The following CTSS variants were observed in gnomAD, a reference collection of about 807,000 sequenced individuals.
CTSS encodes cathepsin S.
A neutral mutation model predicts 39.9 loss-of-function variants in CTSS; 15 were observed. The observed-to-expected ratio is 0.38, with a 90% CI of 0.25 to 0.58. The LOEUF (loss-of-function observed/expected upper bound fraction) is 0.58. Among genes scored for constraint, CTSS ranks in the 20% least tolerant of loss-of-function variants. The pLI is 0.70. For missense variants in CTSS, 250 were observed against 398.2 expected, an observed-to-expected ratio of 0.63 and a Z score of 3.17; for synonymous variants, 126 against 138.2, an observed-to-expected ratio of 0.91 and a Z score of 0.62.
chr1:150,739,662 T>TCAACAA (rs10556231), intron 7 of CTSS, among the ~76,000 whole-genome samples: 5 of 149,386 alleles, frequency 3.3e-5, no homozygotes, highest in South Asian at 2.2e-4. Flanking sequence ...GAGACCTGTC[T>TCAACAA]CAACAACAAC....
intron 3 of CTSS, among the ~76,000 whole-genome samples, chr1:150,757,584 T>C (rs1206245985): frequency 6.6e-6 from 1 of 152,110 alleles, no homozygotes; most frequent in African/African-American, 2.4e-5. Context: ...CTTTAGGTAA[T>C]ACTTTCTAGA....
intron 4 of CTSS, 75 bp from the exon 5 acceptor site, chr1:150,752,083 A>G: frequency 6.9e-7 from 1 of 1,449,454 alleles, no homozygotes; most frequent in Non-Finnish European, 9.6e-7. Context: ...CAAACTGGAC[A>G]ACGCTCAGCT....
At chr1:150,746,347 T>C (rs1419238095) in intron 7 of CTSS, among the ~76,000 whole-genome samples, 1 of 152,128 alleles carries the variant, frequency 6.6e-6, no homozygotes, top group Non-Finnish European at 1.5e-5. Flanking sequence ...CTCCATTTTT[T>C]CCCTCTAGAA....
rs768934133 is a variant in CTSS, at chr1:150,764,708, T to C, written c.56A>G (p.His19Arg). The C allele has an allele frequency of 2.5e-6, 4 of 1,614,078 alleles. No homozygotes were observed. The highest frequency in any genetic ancestry group is 1.6e-4 in the Middle Eastern group (1 of 6,084). The change falls in exon 2 of 8, where the codon CAT becomes CGT. Residue 19 changes from histidine (H) to arginine (R), a missense_variant. Physicochemically the swap from His to Arg is conservative, Grantham distance 29 (BLOSUM62 0). Coordinates refer to ENST00000368985, the MANE Select transcript of CTSS (RefSeq NM_004079.5). ...LVCSSAVAQL[H>R]KDPTLDHHWH... ...GTGGTGATCCAGGGTAGGATCTTTA[T>C]GCAACTGTGCCACTGCAGAGGAGCA...
intron 5 of CTSS, among the ~76,000 whole-genome samples, chr1:150,751,383 G>A (rs1159018695): frequency 1.3e-5 from 2 of 151,896 alleles, no homozygotes; most frequent in Non-Finnish European, 2.9e-5. Flanking sequence ...GAGTAGCTGG[G>A]ACCACAGGCA....
rs1170359610 is a variant in CTSS at position 150,730,774 on chromosome 1, T to G, written c.*2272A>C. 2 of 152,176 alleles carry G rather than the reference T, an allele frequency of 1.3e-5. No individual in the cohort carries two copies. The highest frequency in any genetic ancestry group is 4.8e-5 in the African/African-American group (2 of 41,440). 9.4% of individuals were successfully genotyped at this position (152,176 alleles called of 1,614,324 possible). ...TCATCAAAAGAAAAACCCAGATATTTTCATATCACATTAGTTTTTTGCATC... is the reference window on the plus strand; with the variant it reads ...TCATCAAAAGAAAAACCCAGATATTGTCATATCACATTAGTTTTTTGCATC... On this transcript the variant is annotated 3_prime_UTR_variant, in exon 8 of 8. Coordinates refer to ENST00000368985, the MANE Select transcript of CTSS (RefSeq NM_004079.5).
chr1:150,764,027 A>T (rs1653314414), intron 2 of CTSS, among the ~76,000 whole-genome samples: 1 of 151,814 alleles, frequency 6.6e-6, no homozygotes, highest in Non-Finnish European at 1.5e-5. Flanking sequence ...ACTTCTTACC[A>T]CCACCACCAC....
chr1:150,739,739 C>G (rs770521411), intron 7 of CTSS, among the ~76,000 whole-genome samples: 11 of 151,974 alleles, frequency 7.2e-5, no homozygotes, highest in African/African-American at 2.7e-4. Context: ...AGTGAAACAG[C>G]CTTATTGCTG....
chr1:150,736,128 C>A (rs1278691592), intron 7 of CTSS, among the ~76,000 whole-genome samples: 1 of 152,070 alleles, frequency 6.6e-6, no homozygotes, highest in Non-Finnish European at 1.5e-5. Context: ...TTTTAATATC[C>A]AGTTTGATAA....
chr1:150,749,592 G>T (rs767233306), intron 6 of CTSS, among the ~76,000 whole-genome samples: 1,076 of 9,886 alleles, frequency 0.11, 8 homozygotes, highest in Non-Finnish European at 0.14. Flanking sequence ...GCCCCGCCCC[G>T]CCCCACCTTG....
intron 3 of CTSS, among the ~76,000 whole-genome samples, chr1:150,755,549 G>A (rs908715548): frequency 1.4e-4 from 21 of 152,132 alleles, no homozygotes; most frequent in African/African-American, 5.1e-4. Flanking sequence ...AGACCAGCCT[G>A]GCCAACATGG....
Position 150,730,922 on chromosome 1 carries a change from G to A in CTSS, c.*2124C>T, listed in dbSNP as rs1324261396. ...CTTATCTTTTAACATTTTAATAACT[G>A]TATTTCGATATAATTAGATTCCTTT... On this transcript the variant is annotated 3_prime_UTR_variant, in exon 8 of 8. Transcript: ENST00000368985. The A allele has an allele frequency of 6.8e-6, 1 of 147,240 alleles. No homozygotes were observed. The highest frequency in any genetic ancestry group is 1.5e-5 in the Non-Finnish European group (1 of 67,976). The allele number at this position is 147,240 out of a possible 1,614,324, so 9.1% of individuals were successfully genotyped here.
At chr1:150,752,249 T>C (rs587718414) in intron 4 of CTSS, among the ~76,000 whole-genome samples, 1 of 152,302 alleles carries the variant, frequency 6.6e-6, no homozygotes, top group African/African-American at 2.4e-5. Flanking sequence ...CAGAACATAA[T>C]GGCCATATTC....
At chr1:150,752,835 T>G (rs1653033791) in intron 4 of CTSS, among the ~76,000 whole-genome samples, 1 of 152,100 alleles carries the variant, frequency 6.6e-6, no homozygotes, top group Non-Finnish European at 1.5e-5. Context: ...AATAAGAGAT[T>G]AGCAGTACCA....
chr1:150,748,317 T>C (rs1652934936), intron 6 of CTSS: 1 of 153,620 alleles, frequency 6.5e-6, no homozygotes, highest in South Asian at 2.0e-4. Flanking sequence ...CAAGGACATA[T>C]ACTGTCATGC....
chr1:150,754,993 A>G lies in CTSS; in HGVS notation c.399+8T>C, dbSNP rs1390096611. Reference sequence around the variant, plus strand: ...TAGGGTTCAGAGGCTTGGGATGGTAATACTCACTTGATATTTCACTTCAGT... The same window carrying G: ...TAGGGTTCAGAGGCTTGGGATGGTAGTACTCACTTGATATTTCACTTCAGT... On this transcript the variant is annotated splice_region_variant and intron_variant, in intron 4 of 7. Coordinates refer to ENST00000368985, the MANE Select transcript of CTSS (RefSeq NM_004079.5). 1 of 1,612,710 alleles carries G rather than the reference A, an allele frequency of 6.2e-7. No homozygotes were observed.
Position 150,750,190 on chromosome 1 carries a change from A to C in CTSS, c.628-19T>G. 1 of 1,590,708 alleles carries C rather than the reference A, an allele frequency of 6.3e-7. No homozygotes were observed. On this transcript the variant is annotated intron_variant, in intron 5 of 7. Coordinates refer to ENST00000368985, the MANE Select transcript of CTSS (RefSeq NM_004079.5). ...TCTGATCCTGCAAAAAGAAGTATAA[A>C]TATGATGAAGTATACTTCAACTCCT...
intron 6 of CTSS, among the ~76,000 whole-genome samples, chr1:150,749,129 A>C (rs1460431281): frequency 6.6e-6 from 1 of 152,180 alleles, no homozygotes; most frequent in African/African-American, 2.4e-5. Context: ...GATAGCTTCT[A>C]AGTGTTCAAG....
At chr1:150,733,876 C>T (rs1246647989) in intron 7 of CTSS, among the ~76,000 whole-genome samples, 1 of 152,054 alleles carries the variant, frequency 6.6e-6, no homozygotes, top group Admixed American at 6.6e-5. Context: ...GCAGAGGCTA[C>T]TTGTTAGAGA....
Sources: allele counts gnomAD v4.1 joint callset (sites outside exome capture counted in the v4.1 genomes callset), GRCh38; gene constraint gnomAD v4.1.1; transcripts MANE v1.5; gene names NCBI Gene and HGNC (gene_info 2026-07-23, HGNC 2026-07-21).